The following ACCSL variants were observed in gnomAD, a reference collection of about 807,000 sequenced individuals.
ACCSL encodes 1-aminocyclopropane-1-carboxylate synthase homolog (inactive) like.
A neutral mutation model predicts 61.7 loss-of-function variants in ACCSL; 55 were observed. The ratio of observed to expected loss-of-function variants is 0.89; its 90% CI spans 0.72 to 1.12. The LOEUF is 1.12. Ranked by LOEUF, ACCSL falls within the 50% of genes most tolerant of loss-of-function variation. The pLI is 0.00. For synonymous variants in ACCSL, 258 were observed against 264.3 expected (o/e 0.98, Z 0.23); for missense variants, 632 against 698.0 (o/e 0.91, Z 1.07).
the ACCSL span, among the ~76,000 whole-genome samples, chr11:44,009,332 A>G: frequency 1.3e-5 from 2 of 152,336 alleles, no homozygotes; most frequent in East Asian, 3.9e-4. Flanking sequence ...TTCTCTACCC[A>G]CACAGGAGGG....
chr11:44,012,527 T>TCCA, the ACCSL span, among the ~76,000 whole-genome samples: 1 of 152,186 alleles, frequency 6.6e-6, no homozygotes, highest in Non-Finnish European at 1.5e-5. Context: ...CCTCAGGTGA[T>TCCA]CCACCTGCCT....
the ACCSL span, among the ~76,000 whole-genome samples, chr11:44,002,824 T>C: frequency 6.6e-6 from 1 of 152,044 alleles, no homozygotes; most frequent in African/African-American, 2.4e-5. Flanking sequence ...AATGAGACAA[T>C]AAGCAAAAGC....
At position 44,048,057 on chromosome 11, in the gene ACCSL, C is replaced by G; in HGVS notation, c.21C>G (p.Thr7=). 6.2e-7 allele frequency: 1 copy of G among 1,611,634 alleles called. No individual in the cohort carries two copies. Residue 7 remains threonine, a synonymous_variant, in exon 1 of 14, where the codon ACC becomes ACG. Coordinates refer to ENST00000378832, the MANE Select transcript of ACCSL (RefSeq NM_001031854.2). The part of the protein sequence containing the change: MSHRSD[T]LPVPSGQRRG... The stretch of plus-strand genomic sequence containing the variant: ...GGAGTATGAGTCATCGGTCAGACAC[C>G]CTTCCTGTGCCCTCTGGTCAGAGGA...
At chr11:44,016,033 T>C in the ACCSL span, among the ~76,000 whole-genome samples, 1 of 152,210 alleles carries the variant, frequency 6.6e-6, no homozygotes, top group Non-Finnish European at 1.5e-5. Context: ...AAGGGACCCT[T>C]ACTCTAGCCT....
chr11:43,987,330 G>A, the ACCSL span, among the ~76,000 whole-genome samples: 1 of 152,184 alleles, frequency 6.6e-6, no homozygotes, highest in Non-Finnish European at 1.5e-5. Flanking sequence ...GCCTCCGTTT[G>A]TTCCTTTGGA....
chr11:43,976,611 T>C, the ACCSL span, among the ~76,000 whole-genome samples: 1 of 152,196 alleles, frequency 6.6e-6, no homozygotes, highest in African/African-American at 2.4e-5. Context: ...GATCCAGAGT[T>C]CCAGTTTCAT....
At chr11:43,957,996 G>T in the ACCSL span, among the ~76,000 whole-genome samples, 6 of 152,206 alleles carry the variant, frequency 3.9e-5, no homozygotes, top group African/African-American at 1.4e-4. Context: ...GACCCATCTT[G>T]CTTCTAACCT....
the ACCSL span, among the ~76,000 whole-genome samples, chr11:44,033,498 G>A: frequency 1.3e-5 from 2 of 152,194 alleles, no homozygotes; most frequent in South Asian, 4.1e-4. Flanking sequence ...CCAGGCCATT[G>A]ACACGGCCAC....
Position 44,056,216 on chromosome 11 carries a change from C to T in ACCSL, c.1217C>T (p.Ala406Val). The change falls in exon 11 of 14, where the codon GCT (alanine) becomes GTT (valine). Residue 406 changes from alanine to valine, a missense_variant. Transcript: ENST00000378832. ...DFGISGFRFG[A>V]LYTHNKEVAS... ...GGCATCTCTGGCTTCCGCTTTGGTG[C>T]TCTGTATACCCACAACAAGGAGGTG... 1.9e-6 allele frequency: 3 copies of T among 1,614,144 alleles called. No homozygotes were observed. Among genetic ancestry groups the T allele is most frequent in the Non-Finnish European group, 2.5e-6 (3 of 1,180,032 alleles).
the ACCSL span, among the ~76,000 whole-genome samples, chr11:44,016,906 G>T: frequency 7.9e-5 from 12 of 152,152 alleles, no homozygotes; most frequent in Admixed American, 6.5e-5. Context: ...TTATAAAATA[G>T]ATCTCTTATA....
At chr11:44,032,601 AT>A in the ACCSL span, among the ~76,000 whole-genome samples, 9 of 152,292 alleles carry the variant, frequency 5.9e-5, no homozygotes, top group South Asian at 1.9e-3. Flanking sequence ...GAGGCATTAA[AT>A]AAGCACTCCT....
the ACCSL span, among the ~76,000 whole-genome samples, chr11:44,031,967 C>G: frequency 6.6e-6 from 1 of 152,222 alleles, no homozygotes; most frequent in Non-Finnish European, 1.5e-5. Context: ...TTCCCTCAAG[C>G]TCTCTGAATC....
the ACCSL span, among the ~76,000 whole-genome samples, chr11:43,934,418 G>A: frequency 1.3e-5 from 2 of 152,168 alleles, no homozygotes; most frequent in African/African-American, 4.8e-5. Context: ...TGTTGTGTGT[G>A]TTGCTTTCCT....
At chr11:44,049,175 T>A (rs1440093225) in intron 1 of ACCSL, among the ~76,000 whole-genome samples, 3 of 152,084 alleles carry the variant, frequency 2.0e-5, no homozygotes, top group Non-Finnish European at 4.4e-5. Context: ...ATCCCAGCAC[T>A]TTGGGAGGCC....
chr11:43,943,463 G>A, the ACCSL span: 1 of 1,411,388 alleles, frequency 7.1e-7, no homozygotes, highest in Non-Finnish European at 9.4e-7. The surrounding 1 kb of genome is among the most constrained non-coding windows in gnomAD (Gnocchi z 4.8). Context: ...GCCCTGGCCC[G>A]GGAGCGCCGG....
At chr11:44,031,505 C>A in the ACCSL span, among the ~76,000 whole-genome samples, 1 of 152,158 alleles carries the variant, frequency 6.6e-6, no homozygotes, top group African/African-American at 2.4e-5. Flanking sequence ...TGAATCTTAG[C>A]TTTCCCACTG....
the ACCSL span, among the ~76,000 whole-genome samples, chr11:44,042,061 C>T: frequency 2.0e-5 from 3 of 152,020 alleles, no homozygotes; most frequent in Non-Finnish European, 4.4e-5. Context: ...TTTTATGGTG[C>T]CATTGGATTC....
chr11:43,931,777 G>T, the ACCSL span, among the ~76,000 whole-genome samples: 2 of 152,232 alleles, frequency 1.3e-5, no homozygotes, highest in Non-Finnish European at 2.9e-5. Flanking sequence ...TAAGGGAATG[G>T]CTGGAGAAAT....
the ACCSL span, among the ~76,000 whole-genome samples, chr11:44,017,913 G>C: frequency 6.6e-6 from 1 of 152,100 alleles, no homozygotes; most frequent in Non-Finnish European, 1.5e-5. Flanking sequence ...TAAGCAGCTT[G>C]TCATTGGGCT....
Sources: allele counts gnomAD v4.1 joint callset (sites outside exome capture counted in the v4.1 genomes callset), GRCh38; gene constraint gnomAD v4.1.1; non-coding constraint Gnocchi (gnomAD v3.1); transcripts MANE v1.5; gene names NCBI Gene and HGNC (gene_info 2026-07-23, HGNC 2026-07-21).